The following WDR44 variants were observed in gnomAD, a reference collection of about 807,000 sequenced individuals.
WDR44 encodes the protein WD repeat-containing protein 44.
Under a neutral mutation model 65.7 loss-of-function variants are expected in WDR44, and 9 were observed. The observed-to-expected ratio is 0.14, with a 90% CI of 0.08 to 0.24. The LOEUF (loss-of-function observed/expected upper bound fraction) is 0.24, where lower values mean the gene tolerates loss of function less well. WDR44 is among the 10% of genes least tolerant of loss of function. WDR44 has a pLI of 1.00. For missense variants in WDR44, 425 were observed against 670.9 expected (o/e 0.63, Z 4.05); for synonymous variants, 220 against 235.2 (o/e 0.94, Z 0.59).
intron 4 of WDR44, 22 bp from the exon 5 acceptor site, chrX:118,394,033 G>A (rs2056844584): frequency 4.2e-6 from 5 of 1,191,158 alleles, no homozygotes; most frequent in Non-Finnish European, 5.7e-6. Flanking sequence ...TGTTATTATT[G>A]TTGTTATTAT....
At chrX:118,385,636 A>G (rs752452322) in intron 2 of WDR44, among the ~76,000 whole-genome samples, 11 of 111,342 alleles carry the variant, frequency 9.9e-5, no homozygotes, top group African/African-American at 3.3e-4. Context: ...AAATCTGCAC[A>G]TGTACCCCTG....
chrX:118,443,010 C>T lies in WDR44; in HGVS notation c.2384+330C>T, dbSNP rs952415597. On this transcript the variant is annotated intron_variant, in intron 17 of 19. Coordinates refer to ENST00000254029, the MANE Select transcript of WDR44 (RefSeq NM_019045.5). ...TTAAGAGGGGGCTTACGGCTCATCC[C>T]GCCACTCCCCTCCCTGCCCCATTGT... is the stretch of plus-strand genomic sequence containing the variant. 2.7e-5 allele frequency among the ~76,000 whole-genome samples: 3 copies of T among 111,050 alleles called. No homozygotes were observed. The Admixed American group carries it at 2.9e-4, about 11-fold the overall frequency.
chrX:118,440,521 T>C (rs1569386411), intron 14 of WDR44, among the ~76,000 whole-genome samples: 1 of 111,524 alleles, frequency 9.0e-6, no homozygotes, highest in Non-Finnish European at 1.9e-5. Context: ...TGTTACTCTT[T>C]ATCCAAGTGT....
At chrX:118,444,866 C>T (rs1043922465) in intron 19 of WDR44, 1 of 297,725 alleles carries the variant, frequency 3.4e-6, no homozygotes, top group African/African-American at 2.8e-5. Context: ...TCCCAAAGTG[C>T]TGGGATTACA....
At chrX:118,385,420 G>T (rs908504893) in intron 2 of WDR44, among the ~76,000 whole-genome samples, 4 of 111,777 alleles carry the variant, frequency 3.6e-5, no homozygotes, top group African/African-American at 1.3e-4. Context: ...ACCAAATACT[G>T]CATGTTCTCA....
At chrX:118,410,073 T>C (rs988532702) in intron 11 of WDR44, among the ~76,000 whole-genome samples, 2 of 112,408 alleles carry the variant, frequency 1.8e-5, no homozygotes, top group Non-Finnish European at 3.8e-5. Flanking sequence ...CTCAGAACAT[T>C]ATGTACACAC....
At chrX:118,369,869 A>AACCTAAGTGGAAG (rs11271462) in intron 1 of WDR44, among the ~76,000 whole-genome samples, 14,485 of 111,404 alleles carry the variant, frequency 0.13, 1,095 homozygotes, top group African/African-American at 0.27. Context: ...TTATATTCAA[A>AACCTAAGTGGAAG]ACCTAAGTGG....
chrX:118,390,276 CT>C (rs1314230259), intron 3 of WDR44, among the ~76,000 whole-genome samples: 1 of 110,309 alleles, frequency 9.1e-6, no homozygotes, highest in Non-Finnish European at 1.9e-5. Flanking sequence ...CTATGTGTGT[CT>C]TGGTTCTCAT....
At chrX:118,422,229 AT>A (rs1161670761) in intron 12 of WDR44, among the ~76,000 whole-genome samples, 1 of 73,146 alleles carries the variant, frequency 1.4e-5, no homozygotes, top group Non-Finnish European at 2.1e-5. Flanking sequence ...CTATGTCTCT[AT>A]TTAAAAAAAA....
In WDR44 at chrX:118,435,326, G is replaced by A. The variant is rs1391544788; in HGVS notation, c.1852-1376G>A. 3.6e-5 allele frequency among the ~76,000 whole-genome samples: 4 copies of A among 112,303 alleles called. No homozygotes were observed. The Admixed American group carries it at 3.8e-4, about 11-fold the overall frequency. On this transcript the variant is annotated intron_variant, in intron 13 of 19. Transcript: ENST00000254029. The stretch of plus-strand genomic sequence containing the variant: ...AGAGTCTCGCTCTGTTGCCAAGGCT[G>A]GAGTGCAGTGGCACGATCTCAGCTC...
At position 118,395,314 on chromosome X, in the gene WDR44, A is replaced by C; in HGVS notation, c.1023A>C (p.Arg341Ser). The change falls in exon 6 of 20, where the codon AGA (arginine) becomes AGC (serine). Residue 341 changes from arginine to serine, a missense_variant. Physicochemically the swap from Arg to Ser is moderately radical, Grantham distance 110. Around this residue, in one of 5 missense-constraint regions of WDR44, gnomAD observed 77 missense variants for 183.5 expected, o/e 0.42. Coordinates refer to ENST00000254029, the MANE Select transcript of WDR44 (RefSeq NM_019045.5). ...AAGTGATGGGCCCTCAGAGACCTAG[A>C]TCCAACTCTGGGAGAGAGCTTACTG... ...AGEVMGPQRP[R>S]SNSGRELTDE... is the part of the protein sequence containing the mutation. The C allele has an allele frequency of 8.3e-7, 1 of 1,210,274 alleles. No individual in the cohort carries two copies. The highest frequency in any genetic ancestry group is 2.2e-5 in the Admixed American group (1 of 45,931).
intron 1 of WDR44, among the ~76,000 whole-genome samples, chrX:118,374,763 G>C (rs776456437): frequency 1.6e-4 from 18 of 111,765 alleles, no homozygotes; most frequent in Non-Finnish European, 2.6e-4. Flanking sequence ...GAGCATTTCA[G>C]AGCTGCTGAA....
At chrX:118,395,145 C>A (rs2056854797) in intron 5 of WDR44, 104 bp from the exon 6 acceptor site, 12 of 738,812 alleles carry the variant, frequency 1.6e-5, no homozygotes, top group Non-Finnish European at 2.4e-5. Context: ...TCAGCAGACT[C>A]CATTATCTGA....
chrX:118,430,667 CTG>C (rs1323832284), intron 12 of WDR44, among the ~76,000 whole-genome samples: 1 of 111,649 alleles, frequency 9.0e-6, no homozygotes, highest in African/African-American at 3.3e-5. Flanking sequence ...TGGTGAAACC[CTG>C]TGTCTACCAA....
intron 1 of WDR44, among the ~76,000 whole-genome samples, chrX:118,374,261 C>T (rs2056638632): frequency 9.0e-6 from 1 of 111,532 alleles, no homozygotes; most frequent in Admixed American, 9.6e-5. Context: ...TTTATTGCTT[C>T]TTAGGGTGAA....
At chrX:118,431,555 G>A (rs773530720) in intron 12 of WDR44, among the ~76,000 whole-genome samples, 2 of 111,247 alleles carry the variant, frequency 1.8e-5, no homozygotes, top group Admixed American at 1.9e-4. Context: ...TGCCTGTCTC[G>A]GCCTCCCAAA....
At chrX:118,348,156 G>A (rs922199614) in intron 1 of WDR44, among the ~76,000 whole-genome samples, 1 of 111,854 alleles carries the variant, frequency 8.9e-6, no homozygotes, top group African/African-American at 3.3e-5. Flanking sequence ...TTCAAAGGAC[G>A]CAAGTTATAT....
chrX:118,431,047 A>G (rs2057205972), intron 12 of WDR44, among the ~76,000 whole-genome samples: 1 of 111,522 alleles, frequency 9.0e-6, no homozygotes, highest in Non-Finnish European at 1.9e-5. Context: ...CTACACGAAT[A>G]ATAGTGGTAG....
intron 1 of WDR44, among the ~76,000 whole-genome samples, chrX:118,359,003 A>G (rs1194119781): frequency 2.8e-5 from 3 of 108,154 alleles, no homozygotes; most frequent in African/African-American, 1.0e-4. Flanking sequence ...GAACCCGGGA[A>G]ACAGAGGTTG....
Sources: allele counts gnomAD v4.1 joint callset (sites outside exome capture counted in the v4.1 genomes callset), GRCh38; gene constraint gnomAD v4.1.1; regional missense constraint gnomAD v4.1.1; transcripts MANE v1.5; gene names NCBI Gene and HGNC (gene_info 2026-07-23, HGNC 2026-07-21).